The following SLC30A9 variants were observed in gnomAD, a reference collection of about 807,000 sequenced individuals.
SLC30A9 encodes proton-coupled zinc antiporter SLC30A9, mitochondrial.
Under a neutral mutation model 87.5 loss-of-function variants are expected in SLC30A9, and 58 were observed. The ratio of observed to expected loss-of-function variants is 0.66; its 90% CI spans 0.54 to 0.82. SLC30A9 has a LOEUF of 0.82. Ranked by LOEUF, SLC30A9 falls within the 40% of genes least tolerant of loss-of-function variation. SLC30A9 has a pLI of 0.00. For missense variants in SLC30A9, 557 were observed against 679.1 expected, an observed-to-expected ratio of 0.82 and a Z score of 2.00; for synonymous variants, 234 against 233.0, an observed-to-expected ratio of 1.00 and a Z score of -0.04.
intron 17 of SLC30A9, among the ~76,000 whole-genome samples, chr4:42,081,110 G>A (rs1718727018): frequency 6.6e-6 from 1 of 152,094 alleles, no homozygotes; most frequent in South Asian, 2.1e-4. Context: ...AATAAACCGA[G>A]TTTGTTAATC....
At chr4:42,018,533 T>G (rs1715813198) in intron 3 of SLC30A9, 2 of 748,412 alleles carry the variant, frequency 2.7e-6, no homozygotes, top group South Asian at 4.5e-5. Context: ...TTGTCTGACT[T>G]TATTTTCTAG....
At chr4:42,021,961 C>T (rs1176166672) in intron 4 of SLC30A9, among the ~76,000 whole-genome samples, 1 of 21,124 alleles carries the variant, frequency 4.7e-5, no homozygotes, top group African/African-American at 6.2e-5. Flanking sequence ...CGGAGTCTCG[C>T]TCTGTTGCCC....
chr4:41,999,136 A>T, intron 1 of SLC30A9, among the ~76,000 whole-genome samples: 1 of 152,196 alleles, frequency 6.6e-6, no homozygotes, highest in African/African-American at 2.4e-5. Context: ...ATGCCAAGTA[A>T]TGTTTAAATT....
intron 3 of SLC30A9, 83 bp from the exon 4 acceptor site, chr4:42,020,333 G>A: frequency 1.6e-6 from 1 of 621,574 alleles, no homozygotes. Flanking sequence ...CATTAGTGAA[G>A]CCTCTTAAGT....
intron 1 of SLC30A9, among the ~76,000 whole-genome samples, chr4:41,998,946 C>A (rs1179477921): frequency 6.6e-6 from 1 of 152,060 alleles, no homozygotes; most frequent in African/African-American, 2.4e-5. Context: ...GTTGCTGTTA[C>A]CTGAATTTCT....
At chr4:42,002,875 TGTATTAA>T (rs1226819207) in intron 2 of SLC30A9, among the ~76,000 whole-genome samples, 1 of 152,096 alleles carries the variant, frequency 6.6e-6, no homozygotes, top group African/African-American at 2.4e-5. Context: ...CCACCAGCAG[TGTATTAA>T]GTATTGACTT....
At position 42,001,635 on chromosome 4, in the gene SLC30A9, A is replaced by G. The variant is rs762946084; in HGVS notation, c.129A>G (p.Thr43=). ...TTTTAGAGTGGCAGAATTTAGTGACATTTGGAAGCTTTTCAAACATGGTTC... is the reference window on the plus strand; with the variant it reads ...TTTTAGAGTGGCAGAATTTAGTGACGTTTGGAAGCTTTTCAAACATGGTTC... ...SDRQEWQNLV[T]FGSFSNMVPC... is the part of the protein sequence containing the mutation. Residue 43 remains threonine, a synonymous_variant, in exon 2 of 18, where the codon ACA becomes ACG. Coordinates refer to ENST00000264451, the MANE Select transcript of SLC30A9 (RefSeq NM_006345.4). The G allele has an allele frequency of 1.1e-5, 18 of 1,594,588 alleles. No homozygotes were observed. In the South Asian group the frequency reaches 1.7e-4, roughly 15 times the overall value.
chr4:42,076,509 G>T (rs191063070), intron 16 of SLC30A9, among the ~76,000 whole-genome samples: 1 of 152,072 alleles, frequency 6.6e-6, no homozygotes, highest in East Asian at 1.9e-4. Flanking sequence ...TACTGTATGC[G>T]TCTCTACAAT....
In SLC30A9 at chr4:42,070,519, C is replaced by A; in HGVS notation, c.1253-7C>A. ...AATTTACTGATTTTTTTATGTGCTT[C>A]ATTTAGGCAATCCACTGTATGACAG... is the stretch of plus-strand genomic sequence containing the variant. On this transcript the variant is annotated splice_region_variant and splice_polypyrimidine_tract_variant and intron_variant, in intron 14 of 17. Coordinates refer to ENST00000264451, the MANE Select transcript of SLC30A9 (RefSeq NM_006345.4). 1.9e-6 allele frequency: 3 copies of A among 1,604,104 alleles called. No homozygotes were observed. The highest frequency in any genetic ancestry group is 2.6e-6 in the Non-Finnish European group (3 of 1,174,466).
At chr4:42,040,627 C>T (rs1258278097) in intron 8 of SLC30A9, among the ~76,000 whole-genome samples, 1 of 151,798 alleles carries the variant, frequency 6.6e-6, no homozygotes, top group African/African-American at 2.4e-5. Context: ...GAAACCCCGT[C>T]TCTACTAAAA....
intron 1 of SLC30A9, among the ~76,000 whole-genome samples, chr4:41,994,923 T>G (rs866927964): frequency 6.6e-6 from 1 of 151,502 alleles, no homozygotes; most frequent in Middle Eastern, 3.4e-3. Flanking sequence ...GGGATAAAAG[T>G]TAAATTCTTA....
In SLC30A9 at chr4:42,023,352, T is replaced by G. The variant is rs1716056514; in HGVS notation, c.578T>G (p.Leu193Trp). 2 of 1,613,236 alleles carry G rather than the reference T, an allele frequency of 1.2e-6. No individual in the cohort carries two copies. Among genetic ancestry groups the G allele is most frequent in the African/African-American group, 1.3e-5 (1 of 75,028 alleles). Residue 193 changes from leucine (L) to tryptophan (W), a missense_variant, in exon 6 of 18, where the codon TTG becomes TGG. Physicochemically the swap from Leu to Trp is moderately conservative, Grantham distance 61 (BLOSUM62 -2). Around this residue, in one of 2 missense-constraint regions of SLC30A9, gnomAD observed 467 missense variants for 529.8 expected, o/e 0.88. Transcript: ENST00000264451. ...SPEALAREKK[L>W]RKEAEIEYRE... The stretch of plus-strand genomic sequence containing the variant: ...GAAGCTCTTGCCAGAGAGAAAAAAT[T>G]GCGTAAGGAAGCAGAAATAGAATAC...
chr4:42,039,454 T>C (rs543203139), intron 8 of SLC30A9, among the ~76,000 whole-genome samples: 1 of 151,880 alleles, frequency 6.6e-6, no homozygotes, highest in Admixed American at 6.6e-5. Flanking sequence ...GTTCTTGTTA[T>C]TTTTGCCTCC....
chr4:42,009,646 A>G (rs1374721278), intron 2 of SLC30A9, among the ~76,000 whole-genome samples: 1 of 152,238 alleles, frequency 6.6e-6, no homozygotes, highest in Non-Finnish European at 1.5e-5. Context: ...TAAAATAAGT[A>G]TTCATACATG....
chr4:42,065,341 C>A lies in SLC30A9; in HGVS notation c.1064C>A (p.Ser355Tyr). The A allele has an allele frequency of 7.4e-7, 1 of 1,358,478 alleles. No individual in the cohort carries two copies. Among genetic ancestry groups the A allele is most frequent in the South Asian group, 1.2e-5 (1 of 85,658 alleles). The allele number at this position is 1,358,478 out of a possible 1,614,324, so 84.2% of individuals were successfully genotyped here. A position where few individuals can be genotyped will look rare whatever the true frequency, so the allele number is the denominator to read the frequency against. ...AYCILAGSLV[S>Y]EGATLLVAVN... ...TGTATTTTAGCAGGATCATTAGTAT[C>A]TGAAGGAGGTATGTACTGTCACAAA... Residue 355 changes from serine (S) to tyrosine (Y), a missense_variant, in exon 12 of 18, where the codon TCT becomes TAT. Ser to Tyr is a moderately radical substitution (Grantham distance 144). This residue lies in a region of SLC30A9 where 467 missense variants were observed against 529.8 expected (regional missense o/e 0.88). Coordinates refer to ENST00000264451, the MANE Select transcript of SLC30A9 (RefSeq NM_006345.4).
intron 13 of SLC30A9, 88 bp from the exon 14 acceptor site, chr4:42,066,994 ATTT>A: frequency 1.3e-6 from 1 of 764,436 alleles, no homozygotes; most frequent in South Asian, 1.6e-5. Context: ...TTATATCTTG[ATTT>A]TAAATGGATA....
chr4:42,001,704 G>C lies in SLC30A9; in HGVS notation c.198G>C (p.Leu66Phe). 6.2e-7 allele frequency: 1 copy of C among 1,610,736 alleles called. No homozygotes were observed. The highest frequency in any genetic ancestry group is 8.5e-7 in the Non-Finnish European group (1 of 1,177,504). The stretch of plus-strand genomic sequence containing the variant: ...TTGGTACCCTGAGTCAAGTAAAGTT[G>C]TACTCCACAAATGTTCAGAAAGAAG... Reference protein sequence around the residue: ...PYIGTLSQVKLYSTNVQKEGQ... With the variant: ...PYIGTLSQVKFYSTNVQKEGQ... The change falls in exon 2 of 18, where the codon TTG (leucine) becomes TTC (phenylalanine). Residue 66 changes from leucine to phenylalanine, a missense_variant. Physicochemically the swap from Leu to Phe is conservative, Grantham distance 22 (BLOSUM62 0). This residue lies in a region of SLC30A9 where 467 missense variants were observed against 529.8 expected (regional missense o/e 0.88). Coordinates refer to ENST00000264451, the MANE Select transcript of SLC30A9 (RefSeq NM_006345.4).
chr4:42,084,977 G>A lies in SLC30A9; in HGVS notation c.1663-1105G>A, dbSNP rs533245130. On this transcript the variant is annotated intron_variant, in intron 17 of 17. Coordinates refer to ENST00000264451, the MANE Select transcript of SLC30A9 (RefSeq NM_006345.4). ...GGCACAGAGTAGGCATGTAATAGTA[G>A]ACAGTATTGGTTGTTATTGAATTGA... Among the ~76,000 whole-genome samples the A allele has an allele frequency of 2.0e-5, 3 of 152,336 alleles. No individual in the cohort carries two copies. The East Asian group carries it at 5.8e-4, about 29-fold the overall frequency.
At chr4:42,016,721 G>A (rs1715735143) in intron 2 of SLC30A9, among the ~76,000 whole-genome samples, 1 of 152,088 alleles carries the variant, frequency 6.6e-6, no homozygotes, top group Non-Finnish European at 1.5e-5. Flanking sequence ...CACAGTAAAA[G>A]CTCAAAGAAA....
Sources: gnomAD v4.1 joint callset for allele counts (sites outside exome capture counted in the v4.1 genomes callset) on GRCh38, gnomAD v4.1.1 for gene constraint, gnomAD v4.1.1 regional missense constraint, MANE v1.5 for transcripts, NCBI Gene and HGNC (gene_info 2026-07-23, HGNC 2026-07-21) for gene names.